SLC39A11: variants seen among roughly 807,000 people sequenced by gnomAD.
SLC39A11 encodes solute carrier family 39 member 11.
A neutral mutation model predicts 36.1 loss-of-function variants in SLC39A11; 33 were observed. The ratio of observed to expected loss-of-function variants is 0.91; its 90% CI spans 0.69 to 1.22. The LOEUF is 1.22. Ranked by LOEUF, SLC39A11 falls within the 50% of genes most tolerant of loss-of-function variation. SLC39A11 has a pLI of 0.00. For synonymous variants in SLC39A11, 166 were observed against 170.3 expected (o/e 0.97, Z 0.20); for missense variants, 432 against 430.3 (o/e 1.00, Z -0.03).
intron 3 of SLC39A11, among the ~76,000 whole-genome samples, chr17:73,043,660 G>A (rs969893521): frequency 6.6e-6 from 1 of 152,146 alleles, no homozygotes; most frequent in African/African-American, 2.4e-5. Context: ...CCAGCTGTTG[G>A]GCTCTGGACA....
intron 7 of SLC39A11, among the ~76,000 whole-genome samples, chr17:72,662,722 G>C: frequency 7.6e-6 from 1 of 131,782 alleles, no homozygotes; most frequent in Non-Finnish European, 1.6e-5. Flanking sequence ...AGAGAAGAAA[G>C]AGAGAGAGAG....
At chr17:72,822,360 G>A (rs955266458) in intron 6 of SLC39A11, among the ~76,000 whole-genome samples, 7 of 149,308 alleles carry the variant, frequency 4.7e-5, no homozygotes, top group African/African-American at 1.5e-4. Flanking sequence ...TATATAGAGA[G>A]AGAGAGGGAG....
At chr17:72,947,523 GT>G in intron 5 of SLC39A11, 1 of 612,856 alleles carries the variant, frequency 1.6e-6, no homozygotes, top group East Asian at 2.8e-5. Context: ...AAAAGGTACC[GT>G]TACCTTCTGT....
intron 5 of SLC39A11, among the ~76,000 whole-genome samples, chr17:72,872,931 T>C (rs1460341857): frequency 6.6e-6 from 1 of 151,768 alleles, no homozygotes; most frequent in African/African-American, 2.4e-5. Context: ...GGCGGGCACC[T>C]GTAGTCCCAG....
chr17:72,825,357 G>A (rs2077975777), intron 6 of SLC39A11, among the ~76,000 whole-genome samples: 1 of 152,220 alleles, frequency 6.6e-6, no homozygotes. Flanking sequence ...CTGAAGCTTG[G>A]GAGCCTCAAC....
At chr17:72,916,361 G>A (rs758999847) in intron 5 of SLC39A11, among the ~76,000 whole-genome samples, 3 of 152,260 alleles carry the variant, frequency 2.0e-5, no homozygotes, top group Non-Finnish European at 4.4e-5. Flanking sequence ...ACTGGCTCGG[G>A]CAGGCTCTTA....
intron 5 of SLC39A11, among the ~76,000 whole-genome samples, chr17:72,883,984 G>A (rs1248642344): frequency 1.3e-5 from 2 of 152,076 alleles, no homozygotes; most frequent in Non-Finnish European, 2.9e-5. Context: ...GCAAAACTCT[G>A]TCTCTACAAA....
intron 7 of SLC39A11, among the ~76,000 whole-genome samples, chr17:72,686,134 C>A (rs567707954): frequency 6.6e-6 from 1 of 152,304 alleles, no homozygotes; most frequent in East Asian, 1.9e-4. Context: ...TCACAAGGTA[C>A]ACTTAGGGGT....
intron 5 of SLC39A11, among the ~76,000 whole-genome samples, chr17:72,873,245 C>T (rs1271413281): frequency 6.6e-6 from 1 of 151,974 alleles, no homozygotes; most frequent in Middle Eastern, 3.2e-3. Context: ...GATGGGAAAC[C>T]TATACCAAGA....
At chr17:72,925,026 T>C (rs890286907) in intron 5 of SLC39A11, among the ~76,000 whole-genome samples, 8 of 138,988 alleles carry the variant, frequency 5.8e-5, no homozygotes, top group African/African-American at 1.9e-4. Flanking sequence ...AAAAAAGCCA[T>C]AGAGAACAAT....
intron 7 of SLC39A11, among the ~76,000 whole-genome samples, chr17:72,680,605 A>G (rs1351732391): frequency 1.3e-5 from 2 of 152,212 alleles, no homozygotes; most frequent in South Asian, 2.1e-4. Context: ...GCCATGTGGA[A>G]CTGTGAGTCC....
At chr17:72,848,814 G>A (rs1458022518) in intron 6 of SLC39A11, among the ~76,000 whole-genome samples, 1 of 151,958 alleles carries the variant, frequency 6.6e-6, no homozygotes. Flanking sequence ...CATAAAGAAG[G>A]CAGGTAAGGC....
intron 7 of SLC39A11, among the ~76,000 whole-genome samples, chr17:72,662,404 G>GAAGAAAGAAA (rs1168727897): frequency 8.6e-6 from 1 of 116,078 alleles, no homozygotes; most frequent in Non-Finnish European, 1.8e-5. Flanking sequence ...AAGAAGGAGG[G>GAAGAAAGAAA]AAGAAAGAAA....
intron 3 of SLC39A11, among the ~76,000 whole-genome samples, chr17:73,045,205 A>G (rs897851926): frequency 7.2e-5 from 11 of 152,030 alleles, no homozygotes; most frequent in African/African-American, 2.4e-4. Context: ...GTGTTAAACC[A>G]GCATGGAAGT....
intron 5 of SLC39A11, among the ~76,000 whole-genome samples, chr17:72,902,485 C>T (rs1299119813): frequency 6.6e-6 from 1 of 152,182 alleles, no homozygotes; most frequent in Admixed American, 6.5e-5. Context: ...TGATTTCAGA[C>T]CGATGGTCTC....
chr17:72,689,331 A>C (rs2071906782), intron 7 of SLC39A11, among the ~76,000 whole-genome samples: 1 of 152,258 alleles, frequency 6.6e-6, no homozygotes. Context: ...GAAAGCGTTC[A>C]GCTGGGTCTA....
intron 7 of SLC39A11, among the ~76,000 whole-genome samples, chr17:72,718,957 T>C (rs1724024841): frequency 6.6e-6 from 1 of 151,850 alleles, no homozygotes; most frequent in Admixed American, 6.6e-5. Context: ...ATCCTGAATC[T>C]ACCAGGTTCA....
Position 72,922,960 on chromosome 17 carries a change from CAAAAAAAAAAAA to C in SLC39A11, c.430+24780_430+24791del, listed in dbSNP as rs10645750. Among the ~76,000 whole-genome samples the C allele has an allele frequency of 2.9e-3, 126 of 44,082 alleles. 2 individuals are homozygous for C. The highest frequency in any genetic ancestry group is 5.7e-3 in the African/African-American group (102 of 17,828). 28.9% of individuals were successfully genotyped at this position (44,082 alleles called of 152,430 possible). A position where few individuals can be genotyped will look rare whatever the true frequency, so the allele number is the denominator to read the frequency against. ...TGGGTGATAGAGTGGGACTCCTTCT[CAAAAAAAAAAAA>C]AAAAAAAAAAAAAAAAAACACACAG... On this transcript the variant is annotated intron_variant, in intron 5 of 9. Coordinates refer to ENST00000255559, the MANE Select transcript of SLC39A11 (RefSeq NM_139177.4).
chr17:72,922,587 T>C (rs1567958677), intron 5 of SLC39A11, among the ~76,000 whole-genome samples: 1 of 152,160 alleles, frequency 6.6e-6, no homozygotes, highest in Non-Finnish European at 1.5e-5. Flanking sequence ...AAACAGGATA[T>C]GCTGCCACTT....
Sources: allele counts gnomAD v4.1 joint callset (sites outside exome capture counted in the v4.1 genomes callset), GRCh38; gene constraint gnomAD v4.1.1; transcripts MANE v1.5; gene names NCBI Gene and HGNC (gene_info 2026-07-23, HGNC 2026-07-21).